MRPL2: variants seen among roughly 807,000 people sequenced by gnomAD.
MRPL2 encodes the protein large ribosomal subunit protein uL2m.
A neutral mutation model predicts 34.6 loss-of-function variants in MRPL2; 27 were observed. The observed-to-expected ratio is 0.78, with a 90% CI of 0.58 to 1.08. The LOEUF is 1.08. Ranked by LOEUF, MRPL2 falls within the 50% of genes least tolerant of loss-of-function variation. The probability of loss-of-function intolerance (pLI) is 0.00; values close to 1 mark genes in which losing one functional copy is unlikely to be tolerated. For synonymous variants in MRPL2, 155 were observed against 158.0 expected (o/e 0.98, Z 0.14); for missense variants, 414 against 419.3 (o/e 0.99, Z 0.11).
intron 2 of MRPL2, 151 bp downstream of exon 2, chr6:43,057,914 C>T (rs1764931031): frequency 2.5e-6 from 2 of 798,694 alleles, no homozygotes; most frequent in African/African-American, 3.4e-5. Flanking sequence ...TCTCTGACTC[C>T]TGTACACATA....
chr6:43,058,638 T>A (rs1479096707), intron 1 of MRPL2, among the ~76,000 whole-genome samples: 4 of 152,168 alleles, frequency 2.6e-5, no homozygotes, highest in Non-Finnish European at 5.9e-5. Flanking sequence ...TCGGAGTAGG[T>A]TGATTTGGAT....
chr6:43,059,377 G>A lies in MRPL2; in HGVS notation c.5C>T (p.Ala2Val), dbSNP rs151251145. The change falls in exon 1 of 7, where the codon GCC (alanine) becomes GTC (valine). Residue 2 changes from alanine (A) to valine (V), a missense_variant. Ala to Val is a moderately conservative substitution (Grantham distance 64). Transcript: ENST00000388752. ...CAGAGCGCGGGTCAGTGCGCACAGGGCCATCAGCACGACACCCTTACTTTT... is the reference window on the plus strand; with the variant it reads ...CAGAGCGCGGGTCAGTGCGCACAGGACCATCAGCACGACACCCTTACTTTT... Reference protein sequence around the residue: MALCALTRALRS... With the variant: MVLCALTRALRS... 6.3e-5 allele frequency: 97 copies of A among 1,548,982 alleles called. No homozygotes were observed. In the African/African-American group the frequency reaches 1.0e-3, roughly 16 times the overall value.
intron 6 of MRPL2, 37 bp downstream of exon 6, chr6:43,055,508 T>TG (rs1764827195): frequency 1.3e-6 from 2 of 1,598,926 alleles, no homozygotes; most frequent in Admixed American, 1.7e-5. Context: ...CAAAAATTCC[T>TG]CCTTTGCTGA....
intron 2 of MRPL2, 146 bp from the exon 3 acceptor site, chr6:43,056,591 G>T (rs1581986207): frequency 2.5e-6 from 2 of 801,866 alleles, no homozygotes; most frequent in Non-Finnish European, 3.9e-6. Context: ...GCACACTGGA[G>T]TAAGGAGGGG....
At chr6:43,054,950 C>T (rs368327471) in intron 6 of MRPL2, among the ~76,000 whole-genome samples, 2 of 151,632 alleles carry the variant, frequency 1.3e-5, no homozygotes, top group African/African-American at 4.8e-5. Context: ...GAGTGGTGTG[C>T]GCCTGTAGTC....
intron 2 of MRPL2, among the ~76,000 whole-genome samples, chr6:43,057,224 G>A (rs1331860870): frequency 6.6e-6 from 1 of 151,596 alleles, no homozygotes; most frequent in African/African-American, 2.4e-5. Context: ...TCTGTCACCT[G>A]GGCTGGAATA....
At chr6:43,059,860 C>A, upstream of MRPL2, 7 of 1,190,900 alleles carry the variant, frequency 5.9e-6, no homozygotes, top group African/African-American at 1.6e-5. Flanking sequence ...GATAGACAGA[C>A]GACCTGCCCC....
intron 6 of MRPL2, among the ~76,000 whole-genome samples, chr6:43,055,320 T>C (rs902152839): frequency 1.3e-5 from 2 of 151,892 alleles, no homozygotes; most frequent in African/African-American, 2.4e-5. Context: ...GATCGTGCCA[T>C]TGCACTCCAG....
rs1245765635 is a variant in MRPL2 at position 43,054,428 on chromosome 6, C to G, written c.764G>C (p.Arg255Pro). The change falls in exon 7 of 7, where the codon CGG becomes CCG. Residue 255 changes from arginine to proline, a missense_variant. Transcript: ENST00000388752. ...GTTGCGACCTGCCTTGCCAATGACC[C>G]GTTTGTTATGATCAACGTTGGATAC... ...GRVSNVDHNKRVIGKAGRNRW... is the reference protein window; with the variant it reads ...GRVSNVDHNKPVIGKAGRNRW... 6.2e-7 allele frequency: 1 copy of G among 1,614,090 alleles called. No individual in the cohort carries two copies. Among genetic ancestry groups the G allele is most frequent in the Non-Finnish European group, 8.5e-7 (1 of 1,180,052 alleles).
intron 5 of MRPL2, 62 bp from the exon 6 acceptor site, chr6:43,055,680 A>G (rs1764845385): frequency 6.3e-7 from 1 of 1,577,206 alleles, no homozygotes. Flanking sequence ...GGACTTACAC[A>G]GGGGACATAC....
intron 6 of MRPL2, among the ~76,000 whole-genome samples, 189 bp downstream of exon 6, chr6:43,055,356 C>G (rs1219196868): frequency 5.9e-5 from 9 of 151,338 alleles, no homozygotes. Flanking sequence ...AAGACTCTGT[C>G]TCGAAAAAAA....
At chr6:43,059,486 A>G, upstream of MRPL2, 1 of 1,449,154 alleles carries the variant, frequency 6.9e-7, no homozygotes. Flanking sequence ...CGGGCAGAAA[A>G]CTGGAGCCCA....
chr6:43,055,938 T>C lies in MRPL2; in HGVS notation c.590A>G (p.Glu197Gly). 5.6e-6 allele frequency: 9 copies of C among 1,614,088 alleles called. No individual in the cohort carries two copies. The highest frequency in any genetic ancestry group is 7.6e-6 in the Non-Finnish European group (9 of 1,179,968). ...TTGGGCACCCCGGCCTGGCTCACTTTCCACGTTGTTGATGAGGGTCCCCAC... is the reference window on the plus strand; with the variant it reads ...TTGGGCACCCCGGCCTGGCTCACTTCCCACGTTGTTGATGAGGGTCCCCAC... ...LPVGTLINNV[E>G]SEPGRGAQYI... Residue 197 changes from glutamate (E) to glycine (G), a missense_variant, in exon 5 of 7, where the codon GAA becomes GGA. Transcript: ENST00000388752.
At chr6:43,054,972 G>C (rs1049902756) in intron 6 of MRPL2, among the ~76,000 whole-genome samples, 8 of 152,118 alleles carry the variant, frequency 5.3e-5, no homozygotes, top group African/African-American at 1.9e-4. Context: ...CAGCTACTTG[G>C]GGGGCTGAGG....
chr6:43,058,151 T>C lies in MRPL2; in HGVS notation c.179A>G (p.Asn60Ser), dbSNP rs1764941752. 6.2e-7 allele frequency: 1 copy of C among 1,614,158 alleles called. No homozygotes were observed. Among genetic ancestry groups the C allele is most frequent in the Non-Finnish European group, 8.5e-7 (1 of 1,180,020 alleles). Residue 60 changes from asparagine (N) to serine (S), a missense_variant, in exon 2 of 7, where the codon AAT becomes AGT. Transcript: ENST00000388752. ...ACTCTTCCAGGACACAAAGTTGGCA[T>C]TAAGGGCCACAGAAGTAAGAACTGG... is the stretch of plus-strand genomic sequence containing the variant. ...CRPVLTSVAL[N>S]ANFVSWKSRT...
In MRPL2 at chr6:43,054,060, C is replaced by T; in HGVS notation, c.*214G>A. ...GGACGTCATTTATTTCCATCCCCGGCTCCATTACTTGTAAGGGAATTGGGG... is the reference window on the plus strand; with the variant it reads ...GGACGTCATTTATTTCCATCCCCGGTTCCATTACTTGTAAGGGAATTGGGG... On this transcript the variant is annotated 3_prime_UTR_variant, in exon 7 of 7. Transcript: ENST00000388752. 1 of 640,312 alleles carries T rather than the reference C, an allele frequency of 1.6e-6. No individual in the cohort carries two copies. The highest frequency in any genetic ancestry group is 2.7e-6 in the Non-Finnish European group (1 of 375,666). The allele number at this position is 640,312 out of a possible 1,614,324, so 39.7% of individuals were successfully genotyped here. A position where few individuals can be genotyped will look rare whatever the true frequency, so the allele number is the denominator to read the frequency against.
chr6:43,059,222 C>G, intron 1 of MRPL2, 64 bp downstream of exon 1: 1 of 1,550,984 alleles, frequency 6.4e-7, no homozygotes, highest in Non-Finnish European at 8.7e-7. Context: ...GCCTCGCATG[C>G]CCGCAGACCC....
In MRPL2 at chr6:43,055,533, AC is replaced by A; in HGVS notation, c.705+11del. The A allele has an allele frequency of 1.2e-6, 2 of 1,613,302 alleles. No homozygotes were observed. The highest frequency in any genetic ancestry group is 1.7e-6 in the Non-Finnish European group (2 of 1,179,702). ...TCCTTTGCTGACCCCTCCCATCCAT[AC>A]CCATACACACCTGCATCTGCCTCTT... On this transcript the variant is annotated intron_variant, in intron 6 of 6. Coordinates refer to ENST00000388752, the MANE Select transcript of MRPL2 (RefSeq NM_015950.5).
chr6:43,059,333 G>A lies in MRPL2; in HGVS notation c.49C>T (p.Pro17Ser). The A allele has an allele frequency of 1.3e-6, 2 of 1,552,212 alleles. No individual in the cohort carries two copies. Among genetic ancestry groups the A allele is most frequent in the Non-Finnish European group, 1.7e-6 (2 of 1,147,504 alleles). The change falls in exon 1 of 7, where the codon CCC becomes TCC. Residue 17 changes from proline (P) to serine (S), a missense_variant. Transcript: ENST00000388752. ...GGGGCAGGGGCGGCGACGGTCGGGG[G>A]CGCCAGGTTCAGAGAGCGCAGAGCG... ...TRALRSLNLA[P>S]PTVAAPAPSL... is the part of the protein sequence containing the mutation.
Sources: allele counts gnomAD v4.1 joint callset (sites outside exome capture counted in the v4.1 genomes callset), GRCh38; gene constraint gnomAD v4.1.1; transcripts MANE v1.5; gene names NCBI Gene and HGNC (gene_info 2026-07-23, HGNC 2026-07-21).